The following SULT2B1 variants were observed in gnomAD, a reference collection of about 807,000 sequenced individuals.
The protein encoded by SULT2B1 is sulfotransferase family 2B member 1.
In SULT2B1, 16 loss-of-function variants were observed where a neutral mutation model predicts 33.2. The observed-to-expected ratio is 0.48, with a 90% CI of 0.33 to 0.73. SULT2B1 has a LOEUF of 0.73. Ranked by LOEUF, SULT2B1 falls within the 30% of genes least tolerant of loss-of-function variation. SULT2B1 has a pLI of 0.02. For synonymous variants in SULT2B1, 186 were observed against 200.5 expected (o/e 0.93, Z 0.61); for missense variants, 500 against 506.0 (o/e 0.99, Z 0.11).
intron 1 of SULT2B1, among the ~76,000 whole-genome samples, chr19:48,560,558 A>G (rs1973162534): frequency 6.6e-6 from 1 of 151,466 alleles, no homozygotes; most frequent in South Asian, 2.1e-4. Context: ...ATAGGAAAAC[A>G]TTTTCTCGTA....
chr19:48,588,927 G>A (rs1331631341), intron 3 of SULT2B1, among the ~76,000 whole-genome samples: 2 of 152,218 alleles, frequency 1.3e-5, no homozygotes, highest in Non-Finnish European at 2.9e-5. Context: ...ATGAGGTCCG[G>A]GTGGGGAGGC....
At chr19:48,572,928 A>G (rs1973349544) in intron 1 of SULT2B1, among the ~76,000 whole-genome samples, 1 of 152,058 alleles carries the variant, frequency 6.6e-6, no homozygotes, top group African/African-American at 2.4e-5. Context: ...AGGCTGAGGC[A>G]GGCAGATCAC....
intron 5 of SULT2B1, among the ~76,000 whole-genome samples, chr19:48,593,538 C>T (rs1259324773): frequency 6.6e-6 from 1 of 151,966 alleles, no homozygotes; most frequent in Non-Finnish European, 1.5e-5. Flanking sequence ...GGCGACAGAG[C>T]AAGACCTTGT....
chr19:48,595,423 A>G (rs1973697121), intron 5 of SULT2B1, among the ~76,000 whole-genome samples: 1 of 152,144 alleles, frequency 6.6e-6, no homozygotes, highest in South Asian at 2.1e-4. Flanking sequence ...CTTCCCTTGC[A>G]AAGCTGATGG....
intron 2 of SULT2B1, among the ~76,000 whole-genome samples, chr19:48,583,248 A>G (rs1306103002): frequency 1.3e-5 from 2 of 152,106 alleles, no homozygotes; most frequent in Non-Finnish European, 2.9e-5. Flanking sequence ...GAGCATGTAG[A>G]ATGGTACAGC....
At position 48,576,083 on chromosome 19, in the gene SULT2B1, G is replaced by T; in HGVS notation, c.214G>T (p.Gly72Cys). Residue 72 changes from glycine (G) to cysteine (C), a missense_variant and splice_region_variant, in exon 2 of 7, where the codon GGC becomes TGC. By Grantham distance (159) the Gly-to-Cys change is radical. Transcript: ENST00000201586. ...CTTTATCATCACCTACCCCAAGTCA[G>T]GTACCTGCCGGGCTGCGGGCGTCGG... The part of the protein sequence containing the change: ...DIFIITYPKS[G>C]TTWMIEIICL... 1 of 1,607,976 alleles carries T rather than the reference G, an allele frequency of 6.2e-7. No homozygotes were observed. The highest frequency in any genetic ancestry group is 8.5e-7 in the Non-Finnish European group (1 of 1,177,032).
At position 48,587,229 on chromosome 19, in the gene SULT2B1, G is replaced by T. The variant is rs746398875; in HGVS notation, c.215G>T (p.Gly72Val). Residue 72 changes from glycine to valine, a missense_variant and splice_region_variant, in exon 3 of 7, where the codon GGC (glycine) becomes GTC (valine). Gly to Val is a moderately radical substitution (Grantham distance 109, BLOSUM62 -3). Coordinates refer to ENST00000201586, the MANE Select transcript of SULT2B1 (RefSeq NM_177973.2). Reference protein sequence around the residue: ...DIFIITYPKSGTTWMIEIICL... With the variant: ...DIFIITYPKSVTTWMIEIICL... Reference sequence around the variant, plus strand: ...TAATCTGCTCGATTTCTCCCAACAGGCACGACCTGGATGATCGAGATCATC... The same window carrying T: ...TAATCTGCTCGATTTCTCCCAACAGTCACGACCTGGATGATCGAGATCATC... The T allele has an allele frequency of 1.2e-6, 2 of 1,606,912 alleles. No individual in the cohort carries two copies. The highest frequency in any genetic ancestry group is 1.7e-6 in the Non-Finnish European group (2 of 1,175,726).
chr19:48,555,238 C>T (rs140624807), intron 1 of SULT2B1, among the ~76,000 whole-genome samples: 2,258 of 151,692 alleles, frequency 0.015, 49 homozygotes, highest in African/African-American at 0.052. Context: ...ATTACAGGCA[C>T]CCGCCACCAT....
chr19:48,555,885 A>G (rs2147594757), intron 1 of SULT2B1, among the ~76,000 whole-genome samples: 1 of 152,150 alleles, frequency 6.6e-6, no homozygotes, highest in African/African-American at 2.4e-5. Context: ...GATTACAGGC[A>G]CACTCTACCA....
intron 1 of SULT2B1, among the ~76,000 whole-genome samples, chr19:48,564,551 CAAAAAAAAAAAAA>C (rs770217698): frequency 1.0e-4 from 6 of 57,634 alleles, no homozygotes; most frequent in Non-Finnish European, 1.5e-4. Context: ...GACTCCGTCT[CAAAAAAAAAAAAA>C]AAAAAAAAAA....
intron 3 of SULT2B1, among the ~76,000 whole-genome samples, chr19:48,590,887 G>A (rs563579524): frequency 3.5e-4 from 53 of 152,116 alleles, no homozygotes; most frequent in African/African-American, 1.2e-3. Flanking sequence ...AGGCTGGAGT[G>A]CAGTGGTGTG....
chr19:48,567,319 T>C (rs1295452374), intron 1 of SULT2B1, among the ~76,000 whole-genome samples: 1 of 152,038 alleles, frequency 6.6e-6, no homozygotes, highest in Non-Finnish European at 1.5e-5. Context: ...ATCCCAGCAC[T>C]TTGGGAGGCT....
At chr19:48,568,944 C>T (rs1299229089) in intron 1 of SULT2B1, among the ~76,000 whole-genome samples, 3 of 152,200 alleles carry the variant, frequency 2.0e-5, no homozygotes. Flanking sequence ...CTCTCGCTAC[C>T]TTCAGTCTTT....
At chr19:48,563,589 A>G (rs1973206187) in intron 1 of SULT2B1, among the ~76,000 whole-genome samples, 1 of 152,208 alleles carries the variant, frequency 6.6e-6, no homozygotes, top group Non-Finnish European at 1.5e-5. Flanking sequence ...CAGAACATGC[A>G]AGACTGGGCT....
At chr19:48,570,228 G>A (rs1393680476) in intron 1 of SULT2B1, among the ~76,000 whole-genome samples, 3 of 151,174 alleles carry the variant, frequency 2.0e-5, no homozygotes, top group East Asian at 1.9e-4. Flanking sequence ...TGCCCAGGCT[G>A]GAGTGCAATG....
At chr19:48,563,415 G>T (rs563731818) in intron 1 of SULT2B1, among the ~76,000 whole-genome samples, 3 of 152,224 alleles carry the variant, frequency 2.0e-5, no homozygotes, top group African/African-American at 7.2e-5. Context: ...CATTAACAGA[G>T]GACTGGATCA....
At chr19:48,567,209 G>A (rs1053270457) in intron 1 of SULT2B1, among the ~76,000 whole-genome samples, 2 of 151,988 alleles carry the variant, frequency 1.3e-5, no homozygotes, top group Non-Finnish European at 2.9e-5. Context: ...CTTCCTCAAG[G>A]GCATCTGTCT....
At chr19:48,584,853 C>T (rs775565503) in intron 2 of SULT2B1, among the ~76,000 whole-genome samples, 23 of 152,088 alleles carry the variant, frequency 1.5e-4, no homozygotes, top group Non-Finnish European at 2.6e-4. Context: ...GAGTTTGAGA[C>T]CAACCTGGCC....
At chr19:48,583,514 G>A (rs1973521512) in intron 2 of SULT2B1, among the ~76,000 whole-genome samples, 1 of 152,136 alleles carries the variant, frequency 6.6e-6, no homozygotes, top group African/African-American at 2.4e-5. Flanking sequence ...ATATTATTCA[G>A]CTGTAAAAAG....
Sources: gnomAD v4.1 joint callset for allele counts (sites outside exome capture counted in the v4.1 genomes callset) on GRCh38, gnomAD v4.1.1 for gene constraint, MANE v1.5 for transcripts, NCBI Gene and HGNC (gene_info 2026-07-23, HGNC 2026-07-21) for gene names.